CHKB: variants seen among roughly 807,000 people sequenced by gnomAD.
The protein encoded by CHKB is choline kinase beta.
Under a neutral mutation model 57.3 loss-of-function variants are expected in CHKB, and 45 were observed. The observed-to-expected ratio is 0.79, with a 90% CI of 0.62 to 1.01. The LOEUF is 1.01. Ranked by LOEUF, CHKB falls within the 50% of genes least tolerant of loss-of-function variation. CHKB has a pLI of 0.00. For missense variants in CHKB, 517 were observed against 502.8 expected (o/e 1.03, Z -0.27); for synonymous variants, 224 against 201.8 (o/e 1.11, Z -0.93).
In CHKB at chr22:50,579,865, G is replaced by A. The variant is rs376480861; in HGVS notation, c.928-35C>T. The A allele has an allele frequency of 5.0e-6, 8 of 1,600,006 alleles. No individual in the cohort carries two copies. The East Asian group carries it at 1.8e-4, about 36-fold the overall frequency. Reference sequence around the variant, plus strand: ...ATGGCCAAGAGTCAGGAATTGGGGAGACTGTGGAGTATTTCCCAGGTAACA... The same window carrying A: ...ATGGCCAAGAGTCAGGAATTGGGGAAACTGTGGAGTATTTCCCAGGTAACA... On this transcript the variant is annotated intron_variant, in intron 8 of 10. Transcript: ENST00000406938.
At chr22:50,582,071 C>T (rs1483104816) in intron 2 of CHKB, 178 bp downstream of exon 2, 9 of 772,102 alleles carry the variant, frequency 1.2e-5, no homozygotes, top group Non-Finnish European at 2.0e-5. Context: ...CTCAAGTGAT[C>T]CTCTCGCCTC....
At chr22:50,579,610 CCACTGTCCTAACT>C (rs2070631321) in intron 9 of CHKB, 103 bp from the exon 10 acceptor site, 2 of 1,492,642 alleles carry the variant, frequency 1.3e-6, no homozygotes, top group African/African-American at 2.8e-5. Context: ...AACTTCTCCC[CCACTGTCCTAACT>C]CCACTCTCCA....
Position 50,581,541 on chromosome 22 carries a change from T to TC in CHKB, c.459dup (p.Lys154GlufsTer56). On this transcript the variant is annotated frameshift_variant, in exon 4 of 11. Transcript: ENST00000406938. LOFTEE classifies it high-confidence loss of function. ...ACTGGCTCTCGAAGCTCTTGAGTTT[T>TC]CAATGGCCGACTCTGCACCCAGGAA... 1 of 1,613,932 alleles carries TC rather than the reference T, an allele frequency of 6.2e-7. No individual in the cohort carries two copies. Among genetic ancestry groups the TC allele is most frequent in the Non-Finnish European group, 8.5e-7 (1 of 1,180,018 alleles).
Position 50,582,229 on chromosome 22 carries a change from GGC to G in CHKB, c.333+18_333+19del. On this transcript the variant is annotated intron_variant, in intron 2 of 10. Transcript: ENST00000406938. The stretch of plus-strand genomic sequence containing the variant: ...CAGGCCCTAAAGCCACTGGTGCTGC[GGC>G]GCTCACACCCCCCTCACCTGCAAGA... 1 of 1,560,438 alleles carries G rather than the reference GGC, an allele frequency of 6.4e-7. No individual in the cohort carries two copies. Among genetic ancestry groups the G allele is most frequent in the East Asian group, 2.4e-5 (1 of 42,348 alleles).
Position 50,581,474 on chromosome 22 carries a change from C to G in CHKB, c.527G>C (p.Gly176Ala), listed in dbSNP as rs747464507. The G allele has an allele frequency of 6.2e-7, 1 of 1,613,926 alleles. No individual in the cohort carries two copies. Among genetic ancestry groups the G allele is most frequent in the South Asian group, 1.1e-5 (1 of 91,084 alleles). Reference sequence around the variant, plus strand: ...CTCCTTGGTGAAAGGCATCTCCATGCCATGAAATTGCGCCATCTTCGTGGC... The same window carrying G: ...CTCCTTGGTGAAAGGCATCTCCATGGCATGAAATTGCGCCATCTTCGTGGC... Reference protein sequence around the residue: ...AIATKMAQFHGMEMPFTKEPH... With the variant: ...AIATKMAQFHAMEMPFTKEPH... The change falls in exon 4 of 11, where the codon GGC becomes GCC. Residue 176 changes from glycine (G) to alanine (A), a missense_variant. Transcript: ENST00000406938.
rs561575991 is a variant in CHKB, at chr22:50,579,004, G to A, written c.*177C>T. ...GTTTATTGTGTTACATACACAGCAC[G>A]GGGCTCTGGCCTGCCAGCCATGGGG... On this transcript the variant is annotated 3_prime_UTR_variant, in exon 11 of 11. Coordinates refer to ENST00000406938, the MANE Select transcript of CHKB (RefSeq NM_005198.5). 16 of 680,400 alleles carry A rather than the reference G, an allele frequency of 2.4e-5. No individual in the cohort carries two copies. The highest frequency in any genetic ancestry group is 2.1e-4 in the African/African-American group (12 of 56,442). 42.1% of individuals were successfully genotyped at this position (680,400 alleles called of 1,614,324 possible).
rs750097672 is a variant in CHKB at position 50,579,819 on chromosome 22, A to G, written c.939T>C (p.Ile313=). The G allele has an allele frequency of 3.1e-6, 5 of 1,613,762 alleles. No individual in the cohort carries two copies. Among genetic ancestry groups the G allele is most frequent in the African/African-American group, 1.3e-5 (1 of 75,020 alleles). Residue 313 remains isoleucine, a synonymous_variant, in exon 9 of 11, where the codon ATT becomes ATC. Coordinates refer to ENST00000406938, the MANE Select transcript of CHKB (RefSeq NM_005198.5). ...YPTQEQQLHF[I]RHYLAEAKKG... is the part of the protein sequence containing the mutation. The stretch of plus-strand genomic sequence containing the variant: ...TCTTTGCCTCTGCCAGGTAATGACG[A>G]ATAAAATGCAACTACGATCAATGGC...
In CHKB at chr22:50,582,708, T is replaced by A; in HGVS notation, c.74A>T (p.Gln25Leu). 1.2e-6 allele frequency: 2 copies of A among 1,609,082 alleles called. No homozygotes were observed. The highest frequency in any genetic ancestry group is 8.5e-7 in the Non-Finnish European group (1 of 1,178,680). ...GGCLAKDGLQ[Q>L]SKCPDTTPKR... The stretch of plus-strand genomic sequence containing the variant: ...TGGGGTAGTGTCCGGGCACTTAGAC[T>A]GCTGCAAGCCGTCTTTGGCCAGGCA... Residue 25 changes from glutamine to leucine, a missense_variant, in exon 1 of 11, where the codon CAG becomes CTG. Gln to Leu is a moderately radical substitution (Grantham distance 113). Coordinates refer to ENST00000406938, the MANE Select transcript of CHKB (RefSeq NM_005198.5).
At position 50,582,787 on chromosome 22, in the gene CHKB, G is replaced by T; in HGVS notation, c.-6C>A. 6.4e-7 allele frequency: 1 copy of T among 1,556,170 alleles called. No homozygotes were observed. Among genetic ancestry groups the T allele is most frequent in the Non-Finnish European group, 8.7e-7 (1 of 1,152,684 alleles). ...GCTGTCGCCTCGGCCGCCATGGCGC[G>T]GGCTCGACCGGGCCCCAGGCCAGGC... is the stretch of plus-strand genomic sequence containing the variant. On this transcript the variant is annotated 5_prime_UTR_variant, in exon 1 of 11. Transcript: ENST00000406938.
chr22:50,580,462 G>A, intron 5 of CHKB, 46 bp from the exon 6 acceptor site: 1 of 1,612,098 alleles, frequency 6.2e-7, no homozygotes, highest in Non-Finnish European at 8.5e-7. Flanking sequence ...GTGACTAGAG[G>A]AGGATCAGAG....
At chr22:50,582,844 CCTTCCGGCCGCGCTCGGCTCCT>C in exon 1 of CHKB, 2 of 1,279,424 alleles carry the variant, frequency 1.6e-6, no homozygotes, top group East Asian at 4.5e-5. Flanking sequence ...GGGCTCGGTT[CCTTCCGGCCGCGCTCGGCTCCT>C]CTTCCGGCCG....
At position 50,580,650 on chromosome 22, in the gene CHKB, G is replaced by A; in HGVS notation, c.592C>T (p.Gln198Ter). The A allele has an allele frequency of 3.1e-6, 5 of 1,614,046 alleles. No individual in the cohort carries two copies. Among genetic ancestry groups the A allele is most frequent in the Non-Finnish European group, 4.2e-6 (5 of 1,180,018 alleles). Residue 198 changes from glutamine (Q) to a stop codon, truncating the protein, a stop_gained, in exon 5 of 11, where the codon CAG (glutamine) becomes TAG (stop). Transcript: ENST00000406938. LOFTEE classifies it high-confidence loss of function. ...CCAGTTGGGGGCAGGTCCTGGATCT[G>A]TTTTAGGTACCTGAAGCCCAAAGAA... ...LFGTMERYLKQIQDLPPTGLP... is the reference protein window; with the variant it reads ...LFGTMERYLK
In CHKB at chr22:50,582,373, A is replaced by G. The variant is rs1047288115; in HGVS notation, c.225-16T>C. ...GAGGCCTCCGCTGCAGACCCACACC[A>G]GGCGCGCTCAGCCCGCGGCCGGCCC... On this transcript the variant is annotated splice_polypyrimidine_tract_variant and intron_variant, in intron 1 of 10. Transcript: ENST00000406938. 2.6e-6 allele frequency: 4 copies of G among 1,537,910 alleles called. No homozygotes were observed. Among genetic ancestry groups the G allele is most frequent in the Non-Finnish European group, 3.5e-6 (4 of 1,142,090 alleles).
Position 50,579,096 on chromosome 22 carries a change from C to A in CHKB, c.*85G>T. Reference sequence around the variant, plus strand: ...GTTTCACTTGGGGGCTCAGCCCAGTCGCCAGGGCCTTCTGCTCGTTGTTCC... The same window carrying A: ...GTTTCACTTGGGGGCTCAGCCCAGTAGCCAGGGCCTTCTGCTCGTTGTTCC... On this transcript the variant is annotated 3_prime_UTR_variant, in exon 11 of 11. Coordinates refer to ENST00000406938, the MANE Select transcript of CHKB (RefSeq NM_005198.5). 3.0e-6 allele frequency: 4 copies of A among 1,347,846 alleles called. No homozygotes were observed. The highest frequency in any genetic ancestry group is 1.2e-5 in the South Asian group (1 of 80,562). 83.5% of individuals were successfully genotyped at this position (1,347,846 alleles called of 1,614,324 possible).
rs1273220759 is a variant in CHKB at position 50,582,578 on chromosome 22, C to T, written c.204G>A (p.Glu68=). Residue 68 remains glutamate, a synonymous_variant, in exon 1 of 11, where the codon GAG becomes GAA. Transcript: ENST00000406938. ...CCCACCTCACGGGGTAAACCCTCAG[C>T]TCCTCGGGCTGCACTCGGCGCCAGG... is the stretch of plus-strand genomic sequence containing the variant. ...GGAWRRVQPE[E]LRVYPVSGGL... is the part of the protein sequence containing the mutation. The T allele has an allele frequency of 2.5e-6, 4 of 1,609,954 alleles. No homozygotes were observed. The highest frequency in any genetic ancestry group is 3.4e-6 in the Non-Finnish European group (4 of 1,178,798).
In CHKB at chr22:50,579,009, T is replaced by A. The variant is rs1052238967; in HGVS notation, c.*172A>T. The A allele has an allele frequency of 2.0e-5, 14 of 691,360 alleles. No homozygotes were observed. Among genetic ancestry groups the A allele is most frequent in the Non-Finnish European group, 3.7e-5 (14 of 378,090 alleles). The allele number at this position is 691,360 out of a possible 1,614,324, so 42.8% of individuals were successfully genotyped here. ...TTGTGTTACATACACAGCACGGGGC[T>A]CTGGCCTGCCAGCCATGGGGACCTA... is the stretch of plus-strand genomic sequence containing the variant. On this transcript the variant is annotated 3_prime_UTR_variant, in exon 11 of 11. Transcript: ENST00000406938.
rs1478739647 is a variant in CHKB, at chr22:50,581,779, G to A, written c.417C>T (p.Phe139=). Residue 139 remains phenylalanine (F), a synonymous_variant, in exon 3 of 11, where the codon TTC becomes TTT. Coordinates refer to ENST00000406938, the MANE Select transcript of CHKB (RefSeq NM_005198.5). ...TGTACTGTTCCAGCCGGCCCTCTGG[G>A]AAGACTCCGTACAGCTGGGGCCCCA... is the stretch of plus-strand genomic sequence containing the variant. ...RSLGPQLYGV[F]PEGRLEQYIP... The A allele has an allele frequency of 1.9e-6, 3 of 1,613,532 alleles. No individual in the cohort carries two copies. The highest frequency in any genetic ancestry group is 8.5e-7 in the Non-Finnish European group (1 of 1,179,886).
intron 7 of CHKB, 26 bp downstream of exon 7, chr22:50,580,164 A>C: frequency 1.2e-6 from 2 of 1,613,602 alleles, no homozygotes; most frequent in Non-Finnish European, 8.5e-7. Context: ...GAACAGATCT[A>C]TGGGAAGCCA....
chr22:50,581,926 G>A (rs2070699722), intron 2 of CHKB, 64 bp from the exon 3 acceptor site: 1 of 1,398,596 alleles, frequency 7.2e-7, no homozygotes, highest in African/African-American at 1.4e-5. Context: ...ATGAGGGCTC[G>A]CCTTCCTCCC....
Sources: gnomAD v4.1 joint callset for allele counts on GRCh38, gnomAD v4.1.1 for gene constraint, MANE v1.5 for transcripts, NCBI Gene and HGNC (gene_info 2026-07-23, HGNC 2026-07-21) for gene names.